SPON1: variants seen among roughly 807,000 people sequenced by gnomAD.
SPON1 encodes the protein spondin 1.
Under a neutral mutation model 111.7 loss-of-function variants are expected in SPON1, and 52 were observed. That is an observed-to-expected ratio of 0.47 (90% CI 0.37 to 0.59). The LOEUF (loss-of-function observed/expected upper bound fraction) is 0.59. Ranked by LOEUF, SPON1 falls within the 20% of genes least tolerant of loss-of-function variation. The pLI, the probability that SPON1 is intolerant of heterozygous loss-of-function variation, is 0.00. For missense variants in SPON1, 957 were observed against 1,068.5 expected, an observed-to-expected ratio of 0.90 and a Z score of 1.46; for synonymous variants, 410 against 395.8, an observed-to-expected ratio of 1.04 and a Z score of -0.43.
At chr11:14,192,454 T>C (rs574408150) in intron 6 of SPON1, among the ~76,000 whole-genome samples, 9 of 152,260 alleles carry the variant, frequency 5.9e-5, no homozygotes, top group African/African-American at 2.2e-4. Flanking sequence ...AGTAGAGATA[T>C]ATTTGCCTGT....
intron 2 of SPON1, among the ~76,000 whole-genome samples, chr11:14,012,142 TCTC>T (rs1226329986): frequency 1.3e-5 from 2 of 152,120 alleles, no homozygotes; most frequent in Non-Finnish European, 2.9e-5. Context: ...TGACACTTTA[TCTC>T]CTCTTTACCA....
chr11:14,203,872 A>G (rs1317212258), intron 6 of SPON1, among the ~76,000 whole-genome samples: 1 of 152,224 alleles, frequency 6.6e-6, no homozygotes, highest in East Asian at 1.9e-4. Context: ...CTCTGGCATC[A>G]GGGAAGACAT....
chr11:14,244,316 G>A (rs1848963565), intron 7 of SPON1, among the ~76,000 whole-genome samples: 1 of 152,104 alleles, frequency 6.6e-6, no homozygotes, highest in Non-Finnish European at 1.5e-5. Context: ...TCAGGAGATC[G>A]AGACCATGCT....
chr11:14,251,619 A>G (rs1247645435), intron 7 of SPON1, among the ~76,000 whole-genome samples: 4 of 152,214 alleles, frequency 2.6e-5, no homozygotes, highest in Non-Finnish European at 4.4e-5. Context: ...TCACCTACTT[A>G]GGAAGACAGG....
In SPON1 at chr11:14,098,485, G is replaced by C. The variant is rs545656371; in HGVS notation, c.676+18464G>C. 2.4e-4 allele frequency among the ~76,000 whole-genome samples: 37 copies of C among 152,170 alleles called. No homozygotes were observed. The South Asian group carries it at 7.7e-3, about 32-fold the overall frequency. On this transcript the variant is annotated intron_variant, in intron 5 of 15. Coordinates refer to ENST00000576479, the MANE Select transcript of SPON1 (RefSeq NM_006108.4). Reference sequence around the variant, plus strand: ...TGTGTAATTATAAACTATTCACAAAGCATTATATTTTTGGTATACATTTTC... The same window carrying C: ...TGTGTAATTATAAACTATTCACAAACCATTATATTTTTGGTATACATTTTC...
intron 5 of SPON1, among the ~76,000 whole-genome samples, chr11:14,121,784 G>A (rs1422845120): frequency 6.6e-6 from 1 of 151,940 alleles, no homozygotes; most frequent in East Asian, 1.9e-4. Context: ...TACTGCAGAT[G>A]TGCTAATAAT....
intron 6 of SPON1, among the ~76,000 whole-genome samples, chr11:14,202,278 T>A (rs1452426482): frequency 1.3e-5 from 2 of 152,202 alleles, no homozygotes; most frequent in Admixed American, 1.3e-4. Context: ...TGGGTACGCA[T>A]GTCAAGGGAG....
At position 14,268,080 on chromosome 11, in the gene SPON1, G is replaced by C; in HGVS notation, c.*2393G>C. ...TTGTAGCAAATGGGAATAAACCTGG[G>C]TTTCTATAGACCCAGAACTGAAAAA... On this transcript the variant is annotated 3_prime_UTR_variant, in exon 16 of 16. Transcript: ENST00000576479. Among the ~76,000 whole-genome samples, 1 of 152,072 alleles carries C rather than the reference G, an allele frequency of 6.6e-6. No homozygotes were observed. Among genetic ancestry groups the C allele is most frequent in the East Asian group, 1.9e-4 (1 of 5,186 alleles).
In SPON1 at chr11:14,259,541, C is replaced by A. The variant is rs1554941683; in HGVS notation, c.1671C>A (p.Ser557Arg). 1.3e-6 allele frequency: 2 copies of A among 1,554,848 alleles called. No homozygotes were observed. Among genetic ancestry groups the A allele is most frequent in the Admixed American group, 3.9e-5 (2 of 51,290 alleles). The change falls in exon 13 of 16, where the codon AGC (serine) becomes AGA (arginine). Residue 557 changes from serine to arginine, a missense_variant. Transcript: ENST00000576479. The surrounding 1 kb of genome is among the most constrained non-coding windows in gnomAD (Gnocchi z 5.0). ...TGCCGCTGGCCTCCCCAGCTCCCAG[C>A]AGCTGCCTGATGACCGAGTGGGGCG... ...KCTVNEECSP[S>R]SCLMTEWGEW...
chr11:13,982,622 C>A (rs960100084), intron 1 of SPON1, among the ~76,000 whole-genome samples: 1 of 152,200 alleles, frequency 6.6e-6, no homozygotes, highest in African/African-American at 2.4e-5. Flanking sequence ...CAAGAATCCC[C>A]AAGTAAGATA....
chr11:14,157,087 A>G (rs1847856983), intron 6 of SPON1, among the ~76,000 whole-genome samples: 1 of 152,156 alleles, frequency 6.6e-6, no homozygotes, highest in Non-Finnish European at 1.5e-5. Flanking sequence ...TAACCCTACA[A>G]CACATTATTA....
rs782067363 is a variant in SPON1, at chr11:13,985,949, C to A, written c.345+2996C>A. Among the ~76,000 whole-genome samples, 14 of 152,206 alleles carry A rather than the reference C, an allele frequency of 9.2e-5. 1 individual carries two copies. The highest frequency in any genetic ancestry group is 1.6e-4 in the Non-Finnish European group (11 of 68,040). Reference sequence around the variant, plus strand: ...AGCCCATGCCCCTCATCTTACTTCACCTGCTCCTGTGATATGTGGCCCCCA... The same window carrying A: ...AGCCCATGCCCCTCATCTTACTTCAACTGCTCCTGTGATATGTGGCCCCCA... On this transcript the variant is annotated intron_variant, in intron 2 of 15. Coordinates refer to ENST00000576479, the MANE Select transcript of SPON1 (RefSeq NM_006108.4).
intron 6 of SPON1, among the ~76,000 whole-genome samples, chr11:14,235,633 T>C (rs1308641709): frequency 2.2e-5 from 3 of 136,310 alleles, no homozygotes; most frequent in Non-Finnish European, 4.5e-5. Context: ...GAGCCATGAT[T>C]ATGCCCCTGT....
chr11:14,029,929 AAAGTT>A (rs782136150), intron 2 of SPON1, among the ~76,000 whole-genome samples: 75 of 152,308 alleles, frequency 4.9e-4, no homozygotes, highest in Admixed American at 1.8e-3. Flanking sequence ...TCAGTCCAGA[AAAGTT>A]AAGGAACTTG....
chr11:14,100,283 G>A (rs560976638), intron 5 of SPON1, among the ~76,000 whole-genome samples: 16 of 152,010 alleles, frequency 1.1e-4, no homozygotes, highest in African/African-American at 3.9e-4. Context: ...GGGCCTTGTT[G>A]TTTGTTCGTT....
chr11:14,053,476 A>G (rs1247269174), intron 3 of SPON1, among the ~76,000 whole-genome samples: 2 of 152,174 alleles, frequency 1.3e-5, no homozygotes, highest in African/African-American at 2.4e-5. Flanking sequence ...CTTTATCACT[A>G]CTTTATTCCT....
At chr11:14,066,970 C>T (rs1215553369) in intron 3 of SPON1, among the ~76,000 whole-genome samples, 2 of 151,988 alleles carry the variant, frequency 1.3e-5, no homozygotes, top group African/African-American at 2.4e-5. Flanking sequence ...GCCAGGAATT[C>T]GAGACCAGCC....
intron 1 of SPON1, among the ~76,000 whole-genome samples, chr11:13,980,128 C>T (rs1275867591): frequency 5.9e-5 from 9 of 152,098 alleles, no homozygotes; most frequent in Admixed American, 3.3e-4. Context: ...GCAACCTCTG[C>T]CTCCTGGGTT....
At chr11:14,246,045 T>C (rs1454854991) in intron 7 of SPON1, among the ~76,000 whole-genome samples, 1 of 152,226 alleles carries the variant, frequency 6.6e-6, no homozygotes, top group East Asian at 1.9e-4. Flanking sequence ...CCAGAACCTA[T>C]GTGTGAAGAA....
Sources: gnomAD v4.1 joint callset for allele counts (sites outside exome capture counted in the v4.1 genomes callset) on GRCh38, gnomAD v4.1.1 for gene constraint, Gnocchi (gnomAD v3.1) non-coding constraint, MANE v1.5 for transcripts, NCBI Gene and HGNC (gene_info 2026-07-23, HGNC 2026-07-21) for gene names.